The following STMN3 variants were observed in gnomAD, a reference collection of about 807,000 sequenced individuals.
The protein encoded by STMN3 is stathmin 3, also known as stathmin-3.
Under a neutral mutation model 23.2 loss-of-function variants are expected in STMN3, and 24 were observed. That is an observed-to-expected ratio of 1.03 (90% CI 0.75 to 1.45). The LOEUF (loss-of-function observed/expected upper bound fraction) is 1.45. Among genes scored for constraint, STMN3 ranks in the 40% most tolerant of loss-of-function variants. The probability of loss-of-function intolerance (pLI) is 0.00; values close to 1 mark genes in which losing one functional copy is unlikely to be tolerated. For missense variants in STMN3, 235 were observed against 237.6 expected (o/e 0.99, Z 0.07); for synonymous variants, 117 against 103.4 (o/e 1.13, Z -0.80).
intron 1 of STMN3, among the ~76,000 whole-genome samples, chr20:63,646,076 C>T (rs1220563319): frequency 6.6e-6 from 1 of 152,040 alleles, no homozygotes; most frequent in Non-Finnish European, 1.5e-5. Context: ...TGAGCTGGGT[C>T]TTCTGGTGAC....
In STMN3 at chr20:63,645,639, G is replaced by C. The variant is rs564076021; in HGVS notation, c.20-1330C>G. Among the ~76,000 whole-genome samples the C allele has an allele frequency of 8.5e-5, 13 of 152,258 alleles. No homozygotes were observed. In the East Asian group the frequency reaches 2.5e-3, roughly 29 times the overall value. On this transcript the variant is annotated intron_variant, in intron 1 of 4. Coordinates refer to ENST00000370053, the MANE Select transcript of STMN3 (RefSeq NM_015894.4). Reference sequence around the variant, plus strand: ...CATTCCTAAGCAGACACGCTGGCCCGGTTTCTCACTAGTGCTCGATAATCC... The same window carrying C: ...CATTCCTAAGCAGACACGCTGGCCCCGTTTCTCACTAGTGCTCGATAATCC...
chr20:63,653,216 G>T, intron 1 of STMN3, 111 bp downstream of exon 1: 1 of 1,387,104 alleles, frequency 7.2e-7, no homozygotes, highest in Non-Finnish European at 9.9e-7. Flanking sequence ...CAACGCGCAG[G>T]GTAGGAGAAG....
intron 3 of STMN3, 58 bp from the exon 4 acceptor site, chr20:63,642,357 T>C: frequency 8.0e-7 from 1 of 1,253,698 alleles, no homozygotes; most frequent in South Asian, 2.3e-5. Context: ...CCGGCCGGAC[T>C]CCTCCCTGCT....
intron 1 of STMN3, 144 bp downstream of exon 1, chr20:63,653,183 C>A (rs1413971209): frequency 6.6e-6 from 7 of 1,068,272 alleles, no homozygotes; most frequent in Admixed American, 6.7e-5. Flanking sequence ...ACCCCAGCCT[C>A]GGGCGGGTCG....
chr20:63,643,115 T>C (rs2089781968), intron 3 of STMN3, among the ~76,000 whole-genome samples: 1 of 151,974 alleles, frequency 6.6e-6, no homozygotes, highest in Non-Finnish European at 1.5e-5. Flanking sequence ...AGCTTCCCTG[T>C]CTGGGAGAGG....
At chr20:63,644,110 C>T in intron 2 of STMN3, 104 bp downstream of exon 2, 2 of 1,349,120 alleles carry the variant, frequency 1.5e-6, no homozygotes, top group Non-Finnish European at 2.1e-6. Flanking sequence ...CCTCCCTCTC[C>T]AGAGGCAGCC....
In STMN3 at chr20:63,642,149, C is replaced by G; in HGVS notation, c.442G>C (p.Glu148Gln). 2 of 1,510,610 alleles carry G rather than the reference C, an allele frequency of 1.3e-6. No individual in the cohort carries two copies. Among genetic ancestry groups the G allele is most frequent in the Middle Eastern group, 1.9e-4 (1 of 5,176 alleles). 93.6% of individuals were successfully genotyped at this position (1,510,610 alleles called of 1,614,324 possible). A position where few individuals can be genotyped will look rare whatever the true frequency, so the allele number is the denominator to read the frequency against. ...YKMELSKEIREAHLAALRERL... is the reference protein window; with the variant it reads ...YKMELSKEIRQAHLAALRERL... ...TCGCGCAGTGCGGCCAGGTGTGCCT[C>G]GCGGATCTCCTTGCTGAGCTCCATC... The change falls in exon 4 of 5, where the codon GAG (glutamate) becomes CAG (glutamine). Residue 148 changes from glutamate (E) to glutamine (Q), a missense_variant. Glu to Gln is a conservative substitution (Grantham distance 29). Transcript: ENST00000370053.
intron 1 of STMN3, among the ~76,000 whole-genome samples, chr20:63,646,480 G>T (rs6062474): frequency 6.6e-6 from 1 of 150,884 alleles, no homozygotes; most frequent in African/African-American, 2.4e-5. Flanking sequence ...TCAGCCTCCC[G>T]AGTAGCTGGG....
chr20:63,647,819 ATAATATATATACGTATATATGTATATAT>A (rs2089825134), intron 1 of STMN3, among the ~76,000 whole-genome samples: 5 of 128,736 alleles, frequency 3.9e-5, no homozygotes, highest in East Asian at 2.0e-4. Flanking sequence ...ACGTGTATAT[ATAATATATATACGTATATATGTATATAT>A]TAATATATAT....
At chr20:63,653,227 G>A (rs1051818178) in intron 1 of STMN3, 100 bp downstream of exon 1, 4 of 1,449,522 alleles carry the variant, frequency 2.8e-6, no homozygotes, top group Admixed American at 4.1e-5. Context: ...GTAGGAGAAG[G>A]GAAATTGGCG....
intron 1 of STMN3, among the ~76,000 whole-genome samples, chr20:63,650,314 A>C (rs778077478): frequency 6.6e-6 from 1 of 152,214 alleles, no homozygotes. Flanking sequence ...TAAACATTAG[A>C]TACCGAGGAA....
chr20:63,641,633 G>A (rs1468690880), intron 4 of STMN3, among the ~76,000 whole-genome samples: 1 of 152,186 alleles, frequency 6.6e-6, no homozygotes, highest in Non-Finnish European at 1.5e-5. Context: ...GCTCGTACCG[G>A]AGCCGAGCTT....
intron 1 of STMN3, among the ~76,000 whole-genome samples, chr20:63,647,700 A>ATATATATACACGTGTATATATAT: frequency 7.5e-6 from 1 of 132,616 alleles, no homozygotes; most frequent in South Asian, 2.2e-4. Flanking sequence ...TATATATATA[A>ATATATATACACGTGTATATATAT]TATATATACA....
chr20:63,647,676 T>TGTATATATATTATATAC (rs2089820528), intron 1 of STMN3, among the ~76,000 whole-genome samples: 1 of 101,010 alleles, frequency 9.9e-6, no homozygotes, highest in African/African-American at 3.0e-5. Flanking sequence ...TATATATACG[T>TGTATATATATTATATAC]ATATATACAC....
At chr20:63,647,383 A>G (rs2089817184) in intron 1 of STMN3, among the ~76,000 whole-genome samples, 3 of 150,046 alleles carry the variant, frequency 2.0e-5, no homozygotes, top group Non-Finnish European at 4.4e-5. Context: ...TTGAGGGGCC[A>G]AGGCGGGCAG....
At chr20:63,647,509 G>A (rs2089818201) in intron 1 of STMN3, among the ~76,000 whole-genome samples, 2 of 150,692 alleles carry the variant, frequency 1.3e-5, no homozygotes, top group African/African-American at 2.4e-5. Context: ...CCAGCTACTC[G>A]GGAGACTGAG....
At chr20:63,651,986 G>T (rs1381724729) in intron 1 of STMN3, among the ~76,000 whole-genome samples, 1 of 152,126 alleles carries the variant, frequency 6.6e-6, no homozygotes, top group Non-Finnish European at 1.5e-5. Flanking sequence ...TCAGGGGCAG[G>T]AGGGGAGTCC....
In STMN3 at chr20:63,650,701, G is replaced by A. The variant is rs60208001; in HGVS notation, c.19+2626C>T. Among the ~76,000 whole-genome samples, 4 of 31,070 alleles carry A rather than the reference G, an allele frequency of 1.3e-4. 1 individual carries two copies. Among genetic ancestry groups the A allele is most frequent in the Admixed American group, 9.2e-4 (2 of 2,166 alleles). 20.4% of individuals were successfully genotyped at this position (31,070 alleles called of 152,430 possible). A position where few individuals can be genotyped will look rare whatever the true frequency, so the allele number is the denominator to read the frequency against. On this transcript the variant is annotated intron_variant, in intron 1 of 4. Coordinates refer to ENST00000370053, the MANE Select transcript of STMN3 (RefSeq NM_015894.4). ...GCCCGCTCCCAGGGTCACACCTCAC[G>A]CCCACCCCTCCCGCCCGCCCGGGTG... is the stretch of plus-strand genomic sequence containing the variant.
At chr20:63,647,079 A>C (rs867663642) in intron 1 of STMN3, among the ~76,000 whole-genome samples, 20 of 151,368 alleles carry the variant, frequency 1.3e-4, no homozygotes, top group Middle Eastern at 3.4e-3. Context: ...AGGCTGAGGC[A>C]GGCAGATCAC....
Sources: gnomAD v4.1 joint callset for allele counts (sites outside exome capture counted in the v4.1 genomes callset) on GRCh38, gnomAD v4.1.1 for gene constraint, MANE v1.5 for transcripts, NCBI Gene and HGNC (gene_info 2026-07-23, HGNC 2026-07-21) for gene names.